Variants in AIRE observed in about 807,000 individuals in gnomAD.
The protein encoded by AIRE is autoimmune polyendocrinopathy candidiasis ectodermal dystrophy protein.
Under a neutral mutation model 62.1 loss-of-function variants are expected in AIRE, and 52 were observed. The ratio of observed to expected loss-of-function variants is 0.84; its 90% CI spans 0.67 to 1.06. The LOEUF is 1.06. Among genes scored for constraint, AIRE ranks in the 50% least tolerant of loss-of-function variants. The probability of loss-of-function intolerance (pLI) is 0.00; values close to 1 mark genes in which losing one functional copy is unlikely to be tolerated. For synonymous variants in AIRE, 342 were observed against 321.6 expected (o/e 1.06, Z -0.68); for missense variants, 774 against 755.8 (o/e 1.02, Z -0.28).
Position 44,293,035 on chromosome 21 carries a change from C to T in AIRE, c.1138C>T (p.Pro380Ser), listed in dbSNP as rs2040558955. The part of the protein sequence containing the change: ...LRSAGEEVRG[P>S]PGEPLAGMDT... ...GTCGGCGGGAGAGGAGGTAAGAGGT[C>T]CACCTGGGGAACCCCTAGCCGGCAT... is the stretch of plus-strand genomic sequence containing the variant. The change falls in exon 10 of 14, where the codon CCA (proline) becomes TCA (serine). Residue 380 changes from proline to serine, a missense_variant. Coordinates refer to ENST00000291582, the MANE Select transcript of AIRE (RefSeq NM_000383.4). The T allele has an allele frequency of 1.9e-6, 3 of 1,612,540 alleles. No individual in the cohort carries two copies. The highest frequency in any genetic ancestry group is 2.5e-6 in the Non-Finnish European group (3 of 1,179,840).
intron 9 of AIRE, among the ~76,000 whole-genome samples, chr21:44,292,781 G>A (rs960626458): frequency 2.0e-5 from 3 of 152,168 alleles, no homozygotes; most frequent in East Asian, 1.9e-4. Context: ...GTGTGTAGAC[G>A]GGGGAGGAGG....
In AIRE at chr21:44,297,697, G is replaced by T. The variant is rs772386639; in HGVS notation, c.1608G>T (p.Met536Ile). ...DGILQWAIQS[M>I]ARPAAPFPS ...TCCTGCAGTGGGCCATCCAGAGCAT[G>T]GCCCGTCCGGCGGCCCCCTTCCCCT... The change falls in exon 14 of 14, where the codon ATG (methionine) becomes ATT (isoleucine). Residue 536 changes from methionine (M) to isoleucine (I), a missense_variant. By Grantham distance (10) the Met-to-Ile change is conservative. This residue lies in a region of AIRE where 354 missense variants were observed against 296.1 expected (regional missense o/e 1.20). Coordinates refer to ENST00000291582, the MANE Select transcript of AIRE (RefSeq NM_000383.4). This position sits in a 1 kb window ranked among gnomAD's most constrained non-coding sequence, Gnocchi z 4.8. 6.8e-6 allele frequency: 11 copies of T among 1,612,518 alleles called. No homozygotes were observed. In the South Asian group the frequency reaches 1.1e-4, roughly 16 times the overall value.
At chr21:44,291,771 G>A (rs1416559813) in intron 8 of AIRE, among the ~76,000 whole-genome samples, 2 of 152,126 alleles carry the variant, frequency 1.3e-5, no homozygotes, top group Non-Finnish European at 2.9e-5. Context: ...AGAGCTCTGG[G>A]TGCAGTGGGG....
chr21:44,296,992 C>T (rs529521630), intron 13 of AIRE, among the ~76,000 whole-genome samples: 99 of 152,364 alleles, frequency 6.5e-4, no homozygotes, highest in African/African-American at 2.3e-3. Context: ...CACGGGTTCT[C>T]CTCAGTGTCT....
At chr21:44,290,872 C>A (rs765283449) in intron 7 of AIRE, 1 of 1,605,552 alleles carries the variant, frequency 6.2e-7, no homozygotes, top group South Asian at 1.1e-5. Flanking sequence ...GGGTTTTCTT[C>A]CCAATAGGGA....
At position 44,292,412 on chromosome 21, in the gene AIRE, G is replaced by GCCCCCTCCTAGCCGGGCCACC. The variant is rs1568929150; in HGVS notation, c.1095+14_1095+34dup. The GCCCCCTCCTAGCCGGGCCACC allele has an allele frequency of 6.5e-7, 1 of 1,540,768 alleles. No homozygotes were observed. Among genetic ancestry groups the GCCCCCTCCTAGCCGGGCCACC allele is most frequent in the African/African-American group, 1.4e-5 (1 of 72,880 alleles). ...CCCGTGGAGACCCCGGTATGGCCAC[G>GCCCCCTCCTAGCCGGGCCACC]CCCCCTCCTAGCCGGGCCACCCCTC... is the stretch of plus-strand genomic sequence containing the variant. On this transcript the variant is annotated intron_variant, in intron 9 of 13. Transcript: ENST00000291582.
rs1167981769 is a variant in AIRE at position 44,286,751 on chromosome 21, G to C, written c.307+20G>C. ...CCAAAGGTGGGTCCTGGTGGACTCA[G>C]CCATGCTGGGGGCCTGGGGCAGCTG... On this transcript the variant is annotated intron_variant, in intron 2 of 13. Coordinates refer to ENST00000291582, the MANE Select transcript of AIRE (RefSeq NM_000383.4). This position sits in a 1 kb window ranked among gnomAD's most constrained non-coding sequence, Gnocchi z 6.0. 1.2e-6 allele frequency: 2 copies of C among 1,611,900 alleles called. No individual in the cohort carries two copies. The highest frequency in any genetic ancestry group is 3.3e-5 in the Admixed American group (2 of 60,010).
intron 7 of AIRE, 145 bp from the exon 8 acceptor site, chr21:44,290,950 C>G (rs1336222190): frequency 6.2e-7 from 1 of 1,612,356 alleles, no homozygotes; most frequent in East Asian, 2.2e-5. Flanking sequence ...GAATTTCAGG[C>G]CCTGGCAGCA....
chr21:44,289,541 A>T, intron 5 of AIRE, 116 bp from the exon 6 acceptor site: 1 of 1,431,908 alleles, frequency 7.0e-7, no homozygotes, highest in Non-Finnish European at 9.6e-7. Context: ...GGCTGGAGGA[A>T]TGCAGGCTGT....
Position 44,285,994 on chromosome 21 carries a change from C to A in AIRE, c.-13C>A, listed in dbSNP as rs745544348. On this transcript the variant is annotated 5_prime_UTR_variant, in exon 1 of 14. Coordinates refer to ENST00000291582, the MANE Select transcript of AIRE (RefSeq NM_000383.4). Reference sequence around the variant, plus strand: ...CCGCGTCCGCCCCAGCCCCGGGTCCCCGCGCCCACCCCATGGCGACGGACG... The same window carrying A: ...CCGCGTCCGCCCCAGCCCCGGGTCCACGCGCCCACCCCATGGCGACGGACG... 2.6e-6 allele frequency: 4 copies of A among 1,527,132 alleles called. No homozygotes were observed. The African/African-American group carries it at 5.5e-5, about 21-fold the overall frequency. The allele number at this position is 1,527,132 out of a possible 1,614,324, so 94.6% of individuals were successfully genotyped here. A position where few individuals can be genotyped will look rare whatever the true frequency, so the allele number is the denominator to read the frequency against.
Position 44,286,104 on chromosome 21 carries a change from C to T in AIRE, c.98C>T (p.Ala33Val). Residue 33 changes from alanine to valine, a missense_variant, in exon 1 of 14, where the codon GCT (alanine) becomes GTT (valine). Physicochemically the swap from Ala to Val is moderately conservative, Grantham distance 64 (BLOSUM62 0). Coordinates refer to ENST00000291582, the MANE Select transcript of AIRE (RefSeq NM_000383.4). This position sits in a 1 kb window ranked among gnomAD's most constrained non-coding sequence, Gnocchi z 6.0. ...DSAFPLLHAL[A>V]DHDVVPEDKF... Reference sequence around the variant, plus strand: ...GCCTTCCCACTGCTGCACGCGCTGGCTGACCACGACGTGGTCCCCGAGGAC... The same window carrying T: ...GCCTTCCCACTGCTGCACGCGCTGGTTGACCACGACGTGGTCCCCGAGGAC... 1 of 1,547,028 alleles carries T rather than the reference C, an allele frequency of 6.5e-7. No homozygotes were observed.
intron 5 of AIRE, 155 bp from the exon 6 acceptor site, chr21:44,289,502 G>T: frequency 1.1e-6 from 1 of 905,150 alleles, no homozygotes; most frequent in South Asian, 2.2e-5. Context: ...GACAATCCCC[G>T]GGCCCCAGAC....
rs1568926711 is a variant in AIRE, at chr21:44,287,478, G to A, written c.464-39G>A. 1 of 1,476,620 alleles carries A rather than the reference G, an allele frequency of 6.8e-7. No individual in the cohort carries two copies. The highest frequency in any genetic ancestry group is 2.5e-5 in the East Asian group (1 of 40,570). The allele number at this position is 1,476,620 out of a possible 1,614,324, so 91.5% of individuals were successfully genotyped here. ...CTGCCCACCGGCACTCACCCCCACT[G>A]AGAGGGGAGGCCAGGCTGCCCCCAG... On this transcript the variant is annotated intron_variant, in intron 3 of 13. Transcript: ENST00000291582. The surrounding 1 kb of genome is among the most constrained non-coding windows in gnomAD (Gnocchi z 4.3).
rs560928264 is a variant in AIRE at position 44,287,413 on chromosome 21, G to A, written c.464-104G>A. 3.5e-5 allele frequency: 29 copies of A among 823,776 alleles called. No individual in the cohort carries two copies. In the African/African-American group the frequency reaches 4.4e-4, roughly 13 times the overall value. 51.0% of individuals were successfully genotyped at this position (823,776 alleles called of 1,614,324 possible). ...CAGAGCCCGGCAAAGGGACTACCCA[G>A]CACTGGACCGCCCCCTCCACGCCCT... is the stretch of plus-strand genomic sequence containing the variant. On this transcript the variant is annotated intron_variant, in intron 3 of 13. Transcript: ENST00000291582. This position sits in a 1 kb window ranked among gnomAD's most constrained non-coding sequence, Gnocchi z 4.3.
intron 7 of AIRE, chr21:44,290,829 G>A (rs1322628457): frequency 1.5e-5 from 24 of 1,569,574 alleles, no homozygotes; most frequent in Non-Finnish European, 2.0e-5. Flanking sequence ...TACAGTTCCG[G>A]GGCCCCTGGA....
At chr21:44,292,436 T>G in intron 9 of AIRE, 35 bp downstream of exon 9, 6 of 1,453,560 alleles carry the variant, frequency 4.1e-6, no homozygotes, top group Non-Finnish European at 4.7e-6. Context: ...GGGCCACCCC[T>G]CCTGTCCACA....
At chr21:44,294,211 C>T (rs1313763639) in intron 11 of AIRE, among the ~76,000 whole-genome samples, 190 bp from the exon 12 acceptor site, 3 of 128,910 alleles carry the variant, frequency 2.3e-5, no homozygotes, top group Non-Finnish European at 3.3e-5. Flanking sequence ...ACACCCACCC[C>T]ACACCCTACA....
At position 44,294,465 on chromosome 21, in the gene AIRE, G is replaced by C; in HGVS notation, c.1465G>C (p.Ala489Pro). The C allele has an allele frequency of 1.3e-6, 2 of 1,553,106 alleles. No individual in the cohort carries two copies. Among genetic ancestry groups the C allele is most frequent in the Non-Finnish European group, 1.7e-6 (2 of 1,156,540 alleles). ...CCCAGCCCCTGTGGAGGGGGTGCTG[G>C]CCCCCAGCCCCGCCCGCCTGGCCCC... ...VTPAPVEGVL[A>P]PSPARLAPGP... The change falls in exon 12 of 14, where the codon GCC (alanine) becomes CCC (proline). Residue 489 changes from alanine to proline, a missense_variant. Transcript: ENST00000291582.
intron 11 of AIRE, 139 bp from the exon 12 acceptor site, chr21:44,294,262 A>G (rs1601970383): frequency 1.6e-5 from 3 of 186,352 alleles, no homozygotes; most frequent in Non-Finnish European, 3.0e-5. Context: ...CCCACTCTCC[A>G]CCCACACCCA....
Sources: allele counts gnomAD v4.1 joint callset (sites outside exome capture counted in the v4.1 genomes callset), GRCh38; gene constraint gnomAD v4.1.1; regional missense constraint gnomAD v4.1.1; non-coding constraint Gnocchi (gnomAD v3.1); transcripts MANE v1.5; gene names NCBI Gene and HGNC (gene_info 2026-07-23, HGNC 2026-07-21).